MYO16: variants seen among roughly 807,000 people sequenced by gnomAD.
MYO16 encodes the protein myosin XVI, also known as unconventional myosin-XVI.
MYO16 carries 94 observed loss-of-function variants against 205.3 expected under a neutral mutation model. The ratio of observed to expected loss-of-function variants is 0.46; its 90% CI spans 0.39 to 0.54. MYO16 has a LOEUF of 0.54. Ranked by LOEUF, MYO16 falls within the 20% of genes least tolerant of loss-of-function variation. MYO16 has a pLI of 0.00. For missense variants in MYO16, 2,315 were observed against 2,387.5 expected, an observed-to-expected ratio of 0.97 and a Z score of 0.63; for synonymous variants, 988 against 954.0, an observed-to-expected ratio of 1.04 and a Z score of -0.66.
rs1227547858 is a variant in MYO16, at chr13:109,140,380, G to C, written c.4168G>C (p.Gly1390Arg). Residue 1390 changes from glycine (G) to arginine (R), a missense_variant, in exon 32 of 35, where the codon GGG becomes CGG. Gly to Arg is a moderately radical substitution (Grantham distance 125). Around this residue, in one of 3 missense-constraint regions of MYO16, gnomAD observed 1,097 missense variants for 1,092.0 expected, o/e 1.00. Coordinates refer to ENST00000457511, the MANE Select transcript of MYO16 (RefSeq NM_001198950.3). This position sits in a 1 kb window ranked among gnomAD's most constrained non-coding sequence, Gnocchi z 8.0. ...CAGCGGCTCCTACGAGGAGATATCG[G>C]GGTCCCGGCCCGGGGACGCGAGGCC... ...KLSGSYEEISGSRPGDARPAG... is the reference protein window; with the variant it reads ...KLSGSYEEISRSRPGDARPAG... 6.3e-7 allele frequency: 1 copy of C among 1,599,818 alleles called. No homozygotes were observed. The highest frequency in any genetic ancestry group is 8.5e-7 in the Non-Finnish European group (1 of 1,177,872).
chr13:109,154,178 TGTGGGCAG>T (rs1245496075), intron 32 of MYO16, among the ~76,000 whole-genome samples: 1 of 152,186 alleles, frequency 6.6e-6, no homozygotes, highest in Non-Finnish European at 1.5e-5. Flanking sequence ...AGCCAGTGAG[TGTGGGCAG>T]GTGGGCTATG....
At chr13:108,721,708 A>G (rs983819992) in intron 3 of MYO16, among the ~76,000 whole-genome samples, 1 of 152,216 alleles carries the variant, frequency 6.6e-6, no homozygotes, top group Non-Finnish European at 1.5e-5. Context: ...AGAATCAATG[A>G]TAAGCTCAGA....
At chr13:108,592,058 G>A (rs1435820850), upstream of MYO16, among the ~76,000 whole-genome samples, 1 of 144,938 alleles carries the variant, frequency 6.9e-6, no homozygotes, top group African/African-American at 2.6e-5. Flanking sequence ...ATTATATTGT[G>A]TGTGGGATGT....
chr13:108,789,828 T>G (rs1886563965), intron 5 of MYO16, among the ~76,000 whole-genome samples: 1 of 152,184 alleles, frequency 6.6e-6, no homozygotes, highest in Non-Finnish European at 1.5e-5. Flanking sequence ...GTTTCCTTTT[T>G]GAGGGCAAAA....
chr13:108,858,629 G>T (rs1878310562), intron 11 of MYO16, among the ~76,000 whole-genome samples: 1 of 152,110 alleles, frequency 6.6e-6, no homozygotes, highest in Non-Finnish European at 1.5e-5. Flanking sequence ...TACAGCAATT[G>T]CATTTTGCAC....
chr13:108,708,953 T>C (rs1484230627), intron 2 of MYO16, among the ~76,000 whole-genome samples: 1 of 152,160 alleles, frequency 6.6e-6, no homozygotes, highest in Non-Finnish European at 1.5e-5. Context: ...AGCTGAAAAT[T>C]TGGAGAATGA....
chr13:108,507,043 C>T, the MYO16 span, among the ~76,000 whole-genome samples: 4 of 152,130 alleles, frequency 2.6e-5, no homozygotes, highest in Non-Finnish European at 5.9e-5. Context: ...CCCACTTGGT[C>T]ATGGTGTATG....
At chr13:108,558,821 T>C in the MYO16 span, among the ~76,000 whole-genome samples, 5 of 152,212 alleles carry the variant, frequency 3.3e-5, no homozygotes, top group African/African-American at 1.2e-4. Flanking sequence ...CATCCTTGGG[T>C]ATCTGTGTGG....
At chr13:108,695,844 C>A (rs1461234766) in intron 2 of MYO16, among the ~76,000 whole-genome samples, 1 of 152,048 alleles carries the variant, frequency 6.6e-6, no homozygotes, top group Non-Finnish European at 1.5e-5. Flanking sequence ...AGAACACTGC[C>A]AGGATCCTTG....
chr13:108,568,521 C>T, the MYO16 span, among the ~76,000 whole-genome samples: 4 of 151,996 alleles, frequency 2.6e-5, no homozygotes, highest in South Asian at 2.1e-4. Flanking sequence ...ATTCCTTGAC[C>T]ATTATTTACT....
chr13:108,787,442 C>G (rs1289390134), intron 5 of MYO16, among the ~76,000 whole-genome samples: 1 of 152,170 alleles, frequency 6.6e-6, no homozygotes, highest in East Asian at 1.9e-4. Flanking sequence ...TTAAAAGCTA[C>G]AGTAATAAAT....
the MYO16 span, among the ~76,000 whole-genome samples, chr13:108,563,634 C>T: frequency 6.6e-6 from 1 of 152,120 alleles, no homozygotes; most frequent in Non-Finnish European, 1.5e-5. Context: ...ACATAATGAT[C>T]TCCACTTCCA....
chr13:108,789,557 T>G, intron 5 of MYO16, among the ~76,000 whole-genome samples: 1 of 152,164 alleles, frequency 6.6e-6, no homozygotes, highest in South Asian at 2.1e-4. Flanking sequence ...CATGACTACA[T>G]AAGATGGTCG....
At chr13:108,594,009 G>A (rs1878471574), upstream of MYO16, among the ~76,000 whole-genome samples, 1 of 152,102 alleles carries the variant, frequency 6.6e-6, no homozygotes, top group Non-Finnish European at 1.5e-5. Context: ...TGCTCATGAT[G>A]GAACAAGACC....
chr13:109,124,306 T>C (rs1339314002), intron 29 of MYO16, among the ~76,000 whole-genome samples: 1 of 152,204 alleles, frequency 6.6e-6, no homozygotes, highest in African/African-American at 2.4e-5. Flanking sequence ...CCTCCTAAGC[T>C]TGGGGACATA....
At chr13:108,523,410 G>C in the MYO16 span, among the ~76,000 whole-genome samples, 1 of 152,172 alleles carries the variant, frequency 6.6e-6, no homozygotes, top group Admixed American at 6.5e-5. Context: ...GCCCTGGCCG[G>C]CAGTCTCCCA....
At chr13:108,679,392 T>C (rs1170934139) in intron 2 of MYO16, among the ~76,000 whole-genome samples, 1 of 152,212 alleles carries the variant, frequency 6.6e-6, no homozygotes, top group African/African-American at 2.4e-5. Flanking sequence ...CAGGAGACTG[T>C]AGGTTTACAT....
At chr13:108,571,770 T>C in the MYO16 span, among the ~76,000 whole-genome samples, 1 of 143,894 alleles carries the variant, frequency 6.9e-6, no homozygotes, top group Admixed American at 7.0e-5. Context: ...GGCTTTTCTA[T>C]ATTTGAAAAA....
chr13:108,632,801 G>A lies in MYO16; in HGVS notation c.28+2929G>A, dbSNP rs368967796. ...TCTCAGAGCCCCATGCCTGTTGAGA[G>A]GTAACACATGAACATGACCAGGCCC... On this transcript the variant is annotated intron_variant, in intron 1 of 34. Coordinates refer to ENST00000457511, the MANE Select transcript of MYO16 (RefSeq NM_001198950.3). Among the ~76,000 whole-genome samples, 30 of 152,192 alleles carry A rather than the reference G, an allele frequency of 2.0e-4. 3 individuals carry two copies. In the South Asian group the frequency reaches 6.0e-3, roughly 31 times the overall value.
Sources: allele counts gnomAD v4.1 joint callset (sites outside exome capture counted in the v4.1 genomes callset), GRCh38; gene constraint gnomAD v4.1.1; regional missense constraint gnomAD v4.1.1; non-coding constraint Gnocchi (gnomAD v3.1); transcripts MANE v1.5; gene names NCBI Gene and HGNC (gene_info 2026-07-23, HGNC 2026-07-21).